LINGO2: variants seen among roughly 807,000 people sequenced by gnomAD.
LINGO2 encodes leucine rich repeat and Ig domain containing 2.
LINGO2 carries 14 observed loss-of-function variants against 30.6 expected under a neutral mutation model. The ratio of observed to expected loss-of-function variants is 0.46; its 90% confidence interval spans 0.30 to 0.72. The LOEUF is 0.72. LINGO2 is among the 30% of genes least tolerant of loss of function. The pLI, the probability that LINGO2 is intolerant of heterozygous loss-of-function variation, is 0.07. For synonymous variants in LINGO2, 317 were observed against 288.5 expected, an observed-to-expected ratio of 1.10 and a Z score of -1.00; for missense variants, 729 against 751.7, an observed-to-expected ratio of 0.97 and a Z score of 0.35.
chr9:28,173,908 A>G (rs1256824974), intron 4 of LINGO2, among the ~76,000 whole-genome samples: 1 of 152,230 alleles, frequency 6.6e-6, no homozygotes, highest in Admixed American at 6.5e-5. Context: ...TATTAGGAGT[A>G]GCTGGTTATA....
intron 4 of LINGO2, among the ~76,000 whole-genome samples, chr9:28,238,516 T>A (rs10968405): frequency 0.14 from 20,852 of 152,026 alleles, 1,625 homozygotes; most frequent in African/African-American, 0.21. Flanking sequence ...TATAAACACA[T>A]GGAAATTAAA....
chr9:28,212,579 C>T (rs561186902), intron 4 of LINGO2, among the ~76,000 whole-genome samples: 1 of 151,374 alleles, frequency 6.6e-6, no homozygotes, highest in African/African-American at 2.4e-5. Flanking sequence ...CATATACATA[C>T]ACATGCATAT....
chr9:28,557,765 G>A (rs976145405), intron 1 of LINGO2, among the ~76,000 whole-genome samples: 1 of 151,192 alleles, frequency 6.6e-6, no homozygotes, highest in African/African-American at 2.4e-5. Flanking sequence ...CAAAATGATA[G>A]ACTGGATTAA....
At chr9:28,062,630 T>C (rs1825187644) in intron 4 of LINGO2, among the ~76,000 whole-genome samples, 1 of 148,004 alleles carries the variant, frequency 6.8e-6, no homozygotes, top group African/African-American at 2.5e-5. Flanking sequence ...ATATTTTGTA[T>C]ATATACAAAA....
exon 6 of LINGO2, chr9:27,950,684 T>C: frequency 6.7e-7 from 1 of 1,498,726 alleles, no homozygotes; most frequent in South Asian, 1.4e-5. Flanking sequence ...CTCCACTTCT[T>C]AGTCTACACC....
At chr9:28,310,572 G>GAC (rs1824573704) in intron 3 of LINGO2, among the ~76,000 whole-genome samples, 1 of 151,916 alleles carries the variant, frequency 6.6e-6, no homozygotes, top group Non-Finnish European at 1.5e-5. Flanking sequence ...AGGACGCAGA[G>GAC]AGGAAACAGG....
At chr9:28,275,428 C>A (rs1823083287) in intron 4 of LINGO2, among the ~76,000 whole-genome samples, 1 of 152,048 alleles carries the variant, frequency 6.6e-6, no homozygotes, top group African/African-American at 2.4e-5. Context: ...ACCCTCTTCA[C>A]AGCCTTTTAA....
intron 2 of LINGO2, among the ~76,000 whole-genome samples, chr9:28,397,884 A>G (rs1349860463): frequency 6.6e-6 from 1 of 152,122 alleles, no homozygotes; most frequent in East Asian, 1.9e-4. Flanking sequence ...ATCTAACTGC[A>G]AATATGTATT....
At chr9:28,086,494 G>A (rs982885023) in intron 4 of LINGO2, among the ~76,000 whole-genome samples, 3 of 151,922 alleles carry the variant, frequency 2.0e-5, no homozygotes, top group African/African-American at 7.2e-5. Flanking sequence ...ATATATTTCT[G>A]GGCATATCCA....
In LINGO2 at chr9:28,122,944, C is replaced by T. The variant is rs146143171; in HGVS notation, c.-86-110539G>A. On this transcript the variant is annotated intron_variant, in intron 4 of 5. Transcript: ENST00000379992. ...CTAGGATTACAAATGGCCAATTTGTCAAAATATATTTATGATATCTAAATT... is the reference window on the plus strand; with the variant it reads ...CTAGGATTACAAATGGCCAATTTGTTAAAATATATTTATGATATCTAAATT... Among the ~76,000 whole-genome samples, 192 of 152,290 alleles carry T rather than the reference C, an allele frequency of 1.3e-3. 1 individual carries two copies. The Middle Eastern group carries it at 0.017, about 13-fold the overall frequency.
At chr9:28,973,598 C>G in the LINGO2 span, among the ~76,000 whole-genome samples, 1 of 152,152 alleles carries the variant, frequency 6.6e-6, no homozygotes, top group Non-Finnish European at 1.5e-5. Flanking sequence ...TATCTTGCTC[C>G]CCCTTTGCTT....
At chr9:28,601,467 G>A (rs899304911) in intron 1 of LINGO2, among the ~76,000 whole-genome samples, 14 of 151,930 alleles carry the variant, frequency 9.2e-5, no homozygotes, top group African/African-American at 2.9e-4. Flanking sequence ...GATGAAGGGG[G>A]GACTGGAGGA....
chr9:28,930,945 C>T, the LINGO2 span, among the ~76,000 whole-genome samples: 1 of 152,186 alleles, frequency 6.6e-6, no homozygotes, highest in Admixed American at 6.5e-5. This position sits in a 1 kb window ranked among gnomAD's most constrained non-coding sequence, Gnocchi z 4.2. Context: ...ATTCAGAACA[C>T]TCCTGTCATA....
At chr9:28,372,920 A>C (rs1244255367) in intron 2 of LINGO2, 52 bp from the exon 5 acceptor site, 2 of 152,598 alleles carry the variant, frequency 1.3e-5, no homozygotes, top group African/African-American at 4.8e-5. Context: ...AAGCCAATTA[A>C]AGTAACACAA....
intron 2 of LINGO2, among the ~76,000 whole-genome samples, chr9:28,442,227 A>G (rs1824227714): frequency 6.6e-6 from 1 of 152,136 alleles, no homozygotes; most frequent in South Asian, 2.1e-4. Flanking sequence ...GATATAAAAA[A>G]TACATAGCAG....
chr9:28,439,270 T>C (rs898607820), intron 2 of LINGO2, among the ~76,000 whole-genome samples: 4 of 151,204 alleles, frequency 2.6e-5, no homozygotes, highest in Admixed American at 6.6e-5. Flanking sequence ...TATATGTATA[T>C]ATATGTGTGT....
At chr9:28,297,514 C>T (rs1587413183) in intron 3 of LINGO2, among the ~76,000 whole-genome samples, 1 of 152,090 alleles carries the variant, frequency 6.6e-6, no homozygotes, top group East Asian at 1.9e-4. Flanking sequence ...TTTCTTGTAA[C>T]CAAGAAAGGC....
the LINGO2 span, among the ~76,000 whole-genome samples, chr9:29,146,112 A>C: frequency 2.8e-4 from 43 of 152,298 alleles, no homozygotes; most frequent in African/African-American, 9.9e-4. Context: ...TGAATAATAA[A>C]GCTGCACTAG....
the LINGO2 span, among the ~76,000 whole-genome samples, chr9:29,081,202 G>A: frequency 3.9e-5 from 6 of 152,060 alleles, no homozygotes; most frequent in Non-Finnish European, 7.4e-5. Flanking sequence ...ACCGAATCCA[G>A]CAGCACATCA....
Sources: gnomAD v4.1 joint callset for allele counts (sites outside exome capture counted in the v4.1 genomes callset) on GRCh38, gnomAD v4.1.1 for gene constraint, Gnocchi (gnomAD v3.1) non-coding constraint, MANE v1.5 for transcripts, NCBI Gene and HGNC (gene_info 2026-07-23, HGNC 2026-07-21) for gene names.